The following APEH variants were observed in gnomAD, a reference collection of about 807,000 sequenced individuals.
APEH encodes acylaminoacyl-peptide hydrolase.
Under a neutral mutation model 102.7 loss-of-function variants are expected in APEH, and 75 were observed. The ratio of observed to expected loss-of-function variants is 0.73; its 90% CI spans 0.61 to 0.89. The LOEUF (loss-of-function observed/expected upper bound fraction) is 0.89, where lower values mean the gene tolerates loss of function less well. APEH is among the 40% of genes least tolerant of loss of function. The pLI, the probability that APEH is intolerant of heterozygous loss-of-function variation, is 0.00. For missense variants in APEH, 863 were observed against 941.2 expected (o/e 0.92, Z 1.09); for synonymous variants, 344 against 362.7 (o/e 0.95, Z 0.59).
rs931666803 is a variant in APEH, at chr3:49,679,310, G to C, written c.1159-283G>C. Among the ~76,000 whole-genome samples, 4 of 152,202 alleles carry C rather than the reference G, an allele frequency of 2.6e-5. No individual in the cohort carries two copies. The highest frequency in any genetic ancestry group is 9.7e-5 in the African/African-American group (4 of 41,442). Reference sequence around the variant, plus strand: ...GAGTAAAGCCACTCACAGTGTGCCAGGCTCCTTTTGGGTGTGATATTTGGT... The same window carrying C: ...GAGTAAAGCCACTCACAGTGTGCCACGCTCCTTTTGGGTGTGATATTTGGT... On this transcript the variant is annotated intron_variant, in intron 12 of 21. Transcript: ENST00000296456. The surrounding 1 kb of genome is among the most constrained non-coding windows in gnomAD (Gnocchi z 4.3).
At chr3:49,674,338 C>G, upstream of APEH, 1 of 1,523,156 alleles carries the variant, frequency 6.6e-7, no homozygotes, top group Non-Finnish European at 8.8e-7. Context: ...CAGGCTCCGC[C>G]CCCGGAAGCC....
rs752116837 is a variant in APEH at position 49,675,907 on chromosome 3, G to A, written c.383G>A (p.Arg128Gln). The A allele has an allele frequency of 4.3e-6, 7 of 1,614,002 alleles. No homozygotes were observed. Among genetic ancestry groups the A allele is most frequent in the South Asian group, 2.2e-5 (2 of 91,088 alleles). Residue 128 changes from arginine to glutamine, a missense_variant, in exon 5 of 22, where the codon CGG becomes CAG. Physicochemically the swap from Arg to Gln is conservative, Grantham distance 43. Coordinates refer to ENST00000296456, the MANE Select transcript of APEH (RefSeq NM_001640.4). ...TGTCCTCAGGTCTGGGAGAAGAACCGGAAGCTCAAGAGCTTCAACCTGTCA... is the reference window on the plus strand; with the variant it reads ...TGTCCTCAGGTCTGGGAGAAGAACCAGAAGCTCAAGAGCTTCAACCTGTCA... ...KQFLEVWEKN[R>Q]KLKSFNLSAL... is the part of the protein sequence containing the mutation.
At chr3:49,677,347 C>T (rs527748892) in intron 10 of APEH, among the ~76,000 whole-genome samples, 3 of 152,300 alleles carry the variant, frequency 2.0e-5, no homozygotes, top group African/African-American at 4.8e-5. Context: ...CAATCCCAGA[C>T]CCTCCCCAGG....
rs775176531 is a variant in APEH, at chr3:49,683,299, T to C, written c.2156T>C (p.Phe719Ser). ...LSEVEVESDS[F>S]MNAVLWLRTH... ...GAGGTGGAGGTGGAGTCAGACAGCT[T>C]CATGAATGCTGTGCTCTGGCTACGC... The change falls in exon 22 of 22, where the codon TTC (phenylalanine) becomes TCC (serine). Residue 719 changes from phenylalanine to serine, a missense_variant. By Grantham distance (155) the Phe-to-Ser change is radical. Coordinates refer to ENST00000296456, the MANE Select transcript of APEH (RefSeq NM_001640.4). The C allele has an allele frequency of 5.0e-6, 8 of 1,613,866 alleles. No homozygotes were observed. Among genetic ancestry groups the C allele is most frequent in the Non-Finnish European group, 6.8e-6 (8 of 1,180,006 alleles).
At position 49,678,842 on chromosome 3, in the gene APEH, A is replaced by G. The variant is rs563890346; in HGVS notation, c.1061-10A>G. 4.0e-5 allele frequency: 64 copies of G among 1,607,718 alleles called. No homozygotes were observed. The South Asian group carries it at 5.4e-4, about 14-fold the overall frequency. On this transcript the variant is annotated splice_polypyrimidine_tract_variant and intron_variant, in intron 11 of 21. Coordinates refer to ENST00000296456, the MANE Select transcript of APEH (RefSeq NM_001640.4). ...TCCTGGATGCAGCCTCAGCCCTCCT[A>G]TCTTTACAGAGAACTTCTCTGGGAT...
At position 49,675,600 on chromosome 3, in the gene APEH, A is replaced by G. The variant is rs1232538207; in HGVS notation, c.273-94A>G. 4 of 1,288,624 alleles carry G rather than the reference A, an allele frequency of 3.1e-6. No homozygotes were observed. In the East Asian group the frequency reaches 7.1e-5, roughly 23 times the overall value. 79.8% of individuals were successfully genotyped at this position (1,288,624 alleles called of 1,614,324 possible). ...GCTCCAGAAGCTGGTGTGGGGCCAG[A>G]GCCTCAAGAATCTCTCCTAAGAGGT... On this transcript the variant is annotated intron_variant, in intron 3 of 21. Transcript: ENST00000296456.
At position 49,681,966 on chromosome 3, in the gene APEH, A is replaced by G. The variant is rs774015404; in HGVS notation, c.1602A>G (p.Leu534=). The change falls in exon 17 of 22, where the codon CTA becomes CTG. Residue 534 remains leucine, a splice_region_variant and synonymous_variant. Transcript: ENST00000296456. The stretch of plus-strand genomic sequence containing the variant: ...GCAAGATGGGCTTTGCGGTACTACT[A>G]GGTGAGTGAGCAGGGACCCACAGTT... The part of the protein sequence containing the change: ...MLCKMGFAVL[L]VNYRGSTGFG... The G allele has an allele frequency of 1.9e-6, 3 of 1,613,170 alleles. No homozygotes were observed. The highest frequency in any genetic ancestry group is 4.5e-5 in the East Asian group (2 of 44,872).
At chr3:49,674,683 G>T (rs1007250662) in intron 2 of APEH, 62 bp downstream of exon 2, 6 of 1,567,378 alleles carry the variant, frequency 3.8e-6, no homozygotes, top group Non-Finnish European at 5.1e-6. Context: ...GAAGGAAGGG[G>T]GTGTGGAGGG....
At chr3:49,676,561 T>A (rs1488724784) in intron 7 of APEH, 46 bp downstream of exon 7, 1 of 1,614,252 alleles carries the variant, frequency 6.2e-7, no homozygotes, top group East Asian at 2.2e-5. Flanking sequence ...GGGACCCTTC[T>A]TGAGCTACCA....
rs149405166 is a variant in APEH, at chr3:49,682,325, G to C, written c.1604-23G>C. ...GCTGGGAATGTTGCCTGACTACACT[G>C]TCTGGTCCCTCCCTGCCCTCAGTGA... On this transcript the variant is annotated intron_variant, in intron 17 of 21. Coordinates refer to ENST00000296456, the MANE Select transcript of APEH (RefSeq NM_001640.4). 87 of 1,596,768 alleles carry C rather than the reference G, an allele frequency of 5.4e-5. No individual in the cohort carries two copies. The Middle Eastern group carries it at 8.3e-4, about 15-fold the overall frequency.
At chr3:49,676,335 G>C in intron 6 of APEH, 43 bp from the exon 7 acceptor site, 1 of 1,613,688 alleles carries the variant, frequency 6.2e-7, no homozygotes, top group Non-Finnish European at 8.5e-7. Flanking sequence ...AAGCAGAGCA[G>C]GTCCTATAGA....
upstream of APEH, among the ~76,000 whole-genome samples, chr3:49,673,751 A>C (rs140145192): frequency 2.1e-4 from 32 of 152,148 alleles, no homozygotes; most frequent in African/African-American, 6.7e-4. Flanking sequence ...TCAGCCCCAG[A>C]GCCGCGGGAG....
At position 49,683,116 on chromosome 3, in the gene APEH, G is replaced by A. The variant is rs757707494; in HGVS notation, c.2063G>A (p.Arg688His). The change falls in exon 21 of 22, where the codon CGT becomes CAT. Residue 688 changes from arginine to histidine, a missense_variant. By Grantham distance (29) the Arg-to-His change is conservative. Transcript: ENST00000296456. The stretch of plus-strand genomic sequence containing the variant: ...TTCAAGCAGGGCATGGAGTATTACC[G>A]TGCCCTCAAGACCCGGAATGTGCCT... ...VPFKQGMEYY[R>H]ALKTRNVPVR... The A allele has an allele frequency of 2.5e-5, 41 of 1,613,920 alleles. No homozygotes were observed. The highest frequency in any genetic ancestry group is 2.4e-4 in the African/African-American group (18 of 74,924).
At chr3:49,674,111 G>A, upstream of APEH, 1 of 459,774 alleles carries the variant, frequency 2.2e-6, no homozygotes, top group South Asian at 3.7e-5. Context: ...TCGCCCCTCG[G>A]TAAGAGGCCC....
At chr3:49,680,226 C>T (rs916161933) in intron 13 of APEH, 12 of 378,310 alleles carry the variant, frequency 3.2e-5, no homozygotes, top group South Asian at 7.1e-5. Context: ...GCACGCTCCC[C>T]GACCCCCAAC....
At chr3:49,677,291 A>T (rs2053104943) in intron 10 of APEH, among the ~76,000 whole-genome samples, 1 of 152,178 alleles carries the variant, frequency 6.6e-6, no homozygotes, top group African/African-American at 2.4e-5. Context: ...TCTCAACTGC[A>T]TGTAGCCAGG....
chr3:49,682,757 C>T, intron 19 of APEH, 21 bp downstream of exon 19: 1 of 1,613,598 alleles, frequency 6.2e-7, no homozygotes, highest in Non-Finnish European at 8.5e-7. Flanking sequence ...ACCACAGGTC[C>T]CTGCCCTTCC....
At position 49,679,837 on chromosome 3, in the gene APEH, C is replaced by T; in HGVS notation, c.1210+193C>T. ...TGCAGACCCTTACCCAACCAACAGA[C>T]TAGCTTCCCTGCTCTACTGCCCTTT... On this transcript the variant is annotated intron_variant, in intron 13 of 21. Coordinates refer to ENST00000296456, the MANE Select transcript of APEH (RefSeq NM_001640.4). The surrounding 1 kb of genome is among the most constrained non-coding windows in gnomAD (Gnocchi z 4.3). 1 of 574,528 alleles carries T rather than the reference C, an allele frequency of 1.7e-6. No individual in the cohort carries two copies. Among genetic ancestry groups the T allele is most frequent in the South Asian group, 1.9e-5 (1 of 51,990 alleles). 35.6% of individuals were successfully genotyped at this position (574,528 alleles called of 1,614,324 possible). A position where few individuals can be genotyped will look rare whatever the true frequency, so the allele number is the denominator to read the frequency against.
rs747319651 is a variant in APEH at position 49,682,689 on chromosome 3, C to T, written c.1836C>T (p.Pro612=). 92 of 1,613,872 alleles carry T rather than the reference C, an allele frequency of 5.7e-5. No homozygotes were observed. Among genetic ancestry groups the T allele is most frequent in the Non-Finnish European group, 7.2e-5 (85 of 1,180,034 alleles). The change falls in exon 19 of 22, where the codon CCC becomes CCT. Residue 612 remains proline (P), a synonymous_variant. Coordinates refer to ENST00000296456, the MANE Select transcript of APEH (RefSeq NM_001640.4). ...ETYRACVARN[P]VINIASMLGS... ...ACAGGGCCTGCGTGGCCCGGAACCC[C>T]GTGATCAACATCGCCTCCATGTTGG...
Sources: allele counts gnomAD v4.1 joint callset (sites outside exome capture counted in the v4.1 genomes callset), GRCh38; gene constraint gnomAD v4.1.1; non-coding constraint Gnocchi (gnomAD v3.1); transcripts MANE v1.5; gene names NCBI Gene and HGNC (gene_info 2026-07-23, HGNC 2026-07-21).